Variants in WWOX observed in about 807,000 individuals in gnomAD.
The protein encoded by WWOX is WW domain containing oxidoreductase.
In WWOX, 69 loss-of-function variants were observed where a neutral mutation model predicts 46.2. The observed-to-expected ratio is 1.49, with a 90% CI of 1.23 to 1.82. The LOEUF (loss-of-function observed/expected upper bound fraction) is 1.82, where lower values mean the gene tolerates loss of function less well. WWOX is among the 40% of genes most tolerant of loss of function. The probability of loss-of-function intolerance (pLI) is 0.00; values close to 1 mark genes in which losing one functional copy is unlikely to be tolerated. For missense variants in WWOX, 919 were observed against 542.6 expected, an observed-to-expected ratio of 1.69 and a Z score of -6.89; for synonymous variants, 359 against 202.6, an observed-to-expected ratio of 1.77 and a Z score of -6.56.
At chr16:78,432,429 A>C (rs967999788) in intron 7 of WWOX, 59 bp from the exon 8 acceptor site, 3 of 1,599,304 alleles carry the variant, frequency 1.9e-6, no homozygotes, top group Non-Finnish European at 2.6e-6. Flanking sequence ...CAATAAAAAT[A>C]AAAAGCTGTG....
chr16:78,642,112 T>A (rs1162249720), intron 8 of WWOX, among the ~76,000 whole-genome samples: 2 of 152,148 alleles, frequency 1.3e-5, no homozygotes, highest in Non-Finnish European at 2.9e-5. Context: ...CCCCAAATAA[T>A]TGACAATTTC....
intron 8 of WWOX, among the ~76,000 whole-genome samples, chr16:79,189,936 G>A (rs7186096): frequency 2.7e-5 from 4 of 146,642 alleles, no homozygotes; most frequent in Non-Finnish European, 3.0e-5. Flanking sequence ...GGTGGGGAAG[G>A]GGGGGGGGAT....
At chr16:78,252,128 C>T (rs7199708) in intron 5 of WWOX, among the ~76,000 whole-genome samples, 340 of 152,216 alleles carry the variant, frequency 2.2e-3, no homozygotes, top group African/African-American at 7.9e-3. Context: ...CAGAGGTGCC[C>T]TTTGGGGAAA....
chr16:78,787,710 A>G (rs2050492153), intron 8 of WWOX, among the ~76,000 whole-genome samples: 1 of 152,140 alleles, frequency 6.6e-6, no homozygotes, highest in South Asian at 2.1e-4. Context: ...GTAATATGGC[A>G]ATTTTATATT....
intron 8 of WWOX, among the ~76,000 whole-genome samples, chr16:78,721,141 G>C (rs1567514665): frequency 6.6e-6 from 1 of 152,082 alleles, no homozygotes; most frequent in Non-Finnish European, 1.5e-5. Context: ...TCATGATGTG[G>C]ATACCACGTG....
chr16:78,399,789 A>G (rs942027748), intron 6 of WWOX, among the ~76,000 whole-genome samples: 6 of 152,178 alleles, frequency 3.9e-5, no homozygotes, highest in Non-Finnish European at 8.8e-5. Context: ...TGGAATCTAC[A>G]CTTACATAAT....
chr16:79,182,066 A>G (rs1447827289), intron 8 of WWOX, among the ~76,000 whole-genome samples: 1 of 147,416 alleles, frequency 6.8e-6, no homozygotes, highest in Non-Finnish European at 1.5e-5. Flanking sequence ...GAACCTTCCA[A>G]CATCCCCACC....
chr16:78,662,787 G>T (rs1177347008), intron 8 of WWOX, among the ~76,000 whole-genome samples: 1 of 152,118 alleles, frequency 6.6e-6, no homozygotes, highest in African/African-American at 2.4e-5. Flanking sequence ...AAGATGTAGT[G>T]TTTTGGTGGT....
chr16:78,508,801 G>C (rs561419083), intron 8 of WWOX, among the ~76,000 whole-genome samples: 9 of 152,204 alleles, frequency 5.9e-5, no homozygotes, highest in Non-Finnish European at 1.2e-4. Flanking sequence ...TGATCTGGTG[G>C]CTGGGGTGCC....
At chr16:78,827,449 C>G (rs901020204) in intron 8 of WWOX, among the ~76,000 whole-genome samples, 3 of 150,054 alleles carry the variant, frequency 2.0e-5, no homozygotes, top group African/African-American at 7.4e-5. Context: ...AGGCTGTTTT[C>G]TGTTCTGCAA....
intron 8 of WWOX, among the ~76,000 whole-genome samples, chr16:79,110,128 C>T (rs1454118499): frequency 1.3e-5 from 2 of 152,110 alleles, no homozygotes; most frequent in Admixed American, 6.5e-5. Context: ...ATTTAATCAG[C>T]GACTCCTATG....
At chr16:78,383,905 C>G (rs776405849) in intron 5 of WWOX, among the ~76,000 whole-genome samples, 9 of 152,016 alleles carry the variant, frequency 5.9e-5, no homozygotes, top group Non-Finnish European at 1.3e-4. Flanking sequence ...ACCCCTTTTT[C>G]CCTTAGAGTT....
At chr16:78,160,084 AT>A (rs1567605388) in intron 4 of WWOX, among the ~76,000 whole-genome samples, 1 of 150,144 alleles carries the variant, frequency 6.7e-6, no homozygotes, top group Admixed American at 6.6e-5. Flanking sequence ...TTCTCCTTTT[AT>A]TTCCATCGTT....
chr16:78,267,874 A>G (rs764055739), intron 5 of WWOX, among the ~76,000 whole-genome samples: 6 of 152,128 alleles, frequency 3.9e-5, no homozygotes, highest in Admixed American at 3.3e-4. Context: ...CAGGAGTGCC[A>G]TGGTGCAATC....
At chr16:78,689,732 T>G (rs761852326) in intron 8 of WWOX, among the ~76,000 whole-genome samples, 7 of 152,220 alleles carry the variant, frequency 4.6e-5, no homozygotes, top group Non-Finnish European at 8.8e-5. Flanking sequence ...TCCAGCTGTC[T>G]TTATTATATT....
chr16:78,303,075 A>T (rs1363720781), intron 5 of WWOX, among the ~76,000 whole-genome samples: 1 of 152,226 alleles, frequency 6.6e-6, no homozygotes, highest in Admixed American at 6.5e-5. Flanking sequence ...TAAAACAGGG[A>T]GTCCAGCAGC....
chr16:78,372,732 T>G (rs543449726), intron 5 of WWOX, among the ~76,000 whole-genome samples: 1 of 152,346 alleles, frequency 6.6e-6, no homozygotes, highest in South Asian at 2.1e-4. Flanking sequence ...TTATTTAATT[T>G]CTTAATAATC....
rs566782356 is a variant in WWOX at position 78,229,331 on chromosome 16, C to G, written c.516+65042C>G. 8.6e-5 allele frequency among the ~76,000 whole-genome samples: 13 copies of G among 150,842 alleles called. No homozygotes were observed. The East Asian group carries it at 1.9e-3, about 22-fold the overall frequency. ...GAACCTACAATTCCTGACTCTTGAT[C>G]AAATTGCTTTTCTTTTTAACTCTAG... On this transcript the variant is annotated intron_variant, in intron 5 of 8. Coordinates refer to ENST00000566780, the MANE Select transcript of WWOX (RefSeq NM_016373.4).
intron 8 of WWOX, among the ~76,000 whole-genome samples, chr16:78,713,227 T>C (rs1052790332): frequency 6.1e-5 from 9 of 146,452 alleles, no homozygotes; most frequent in African/African-American, 1.8e-4. Flanking sequence ...TGAGCTGTGA[T>C]TGTGCCACTG....
Sources: allele counts gnomAD v4.1 joint callset (sites outside exome capture counted in the v4.1 genomes callset), GRCh38; gene constraint gnomAD v4.1.1; transcripts MANE v1.5; gene names NCBI Gene and HGNC (gene_info 2026-07-23, HGNC 2026-07-21).